The following ZNF708 variants were observed in gnomAD, a reference collection of about 807,000 sequenced individuals.
The protein encoded by ZNF708 is ZNF15, ZNF15L1.
A neutral mutation model predicts 47.0 loss-of-function variants in ZNF708; 44 were observed. That is an observed-to-expected ratio of 0.94 (90% CI 0.74 to 1.20). The LOEUF is 1.20. Ranked by LOEUF, ZNF708 falls within the 50% of genes most tolerant of loss-of-function variation. The pLI, the probability that ZNF708 is intolerant of heterozygous loss-of-function variation, is 0.00. For synonymous variants in ZNF708, 184 were observed against 218.5 expected (o/e 0.84, Z 1.39); for missense variants, 557 against 656.0 (o/e 0.85, Z 1.65).
chr19:21,315,245 A>T (rs751694422), intron 1 of ZNF708, among the ~76,000 whole-genome samples: 1 of 152,212 alleles, frequency 6.6e-6, no homozygotes, highest in Non-Finnish European at 1.5e-5. Context: ...TGAAAAGCTC[A>T]AAGAGCCACA....
chr19:21,306,025 C>T (rs776505586), intron 3 of ZNF708, among the ~76,000 whole-genome samples: 11 of 152,090 alleles, frequency 7.2e-5, no homozygotes, highest in South Asian at 2.1e-4. Flanking sequence ...AACTGGAAAG[C>T]GACACTGATG....
At chr19:21,298,599 AG>A (rs1399146491) in intron 3 of ZNF708, among the ~76,000 whole-genome samples, 1 of 142,792 alleles carries the variant, frequency 7.0e-6, no homozygotes, top group Non-Finnish European at 1.6e-5. Context: ...CTTCAAAAAA[AG>A]GAACAATGTT....
At chr19:21,320,907 C>T (rs571263910) in intron 1 of ZNF708, among the ~76,000 whole-genome samples, 4 of 151,394 alleles carry the variant, frequency 2.6e-5, no homozygotes, top group Non-Finnish European at 5.9e-5. Flanking sequence ...TTTGGGAGGC[C>T]GAGGCGGGTG....
At position 21,329,208 on chromosome 19, in the gene ZNF708, A is replaced by G. The variant is rs765125733; in HGVS notation, c.3+2T>C. On this transcript the variant is annotated splice_donor_variant, in intron 1 of 3. Coordinates refer to ENST00000356929, the MANE Select transcript of ZNF708 (RefSeq NM_021269.3). LOFTEE classifies it high-confidence loss of function. Reference sequence around the variant, plus strand: ...TCTCGGGATGTCGGACGGCACTCTCACCATTTCTAGGCTTCCAGAGGGTCC... The same window carrying G: ...TCTCGGGATGTCGGACGGCACTCTCGCCATTTCTAGGCTTCCAGAGGGTCC... 9.9e-6 allele frequency: 16 copies of G among 1,611,924 alleles called. No homozygotes were observed. The highest frequency in any genetic ancestry group is 1.4e-5 in the Non-Finnish European group (16 of 1,178,582).
rs1347401461 is a variant in ZNF708, at chr19:21,293,902, T to C, written c.1064A>G (p.Lys355Arg). 6.2e-7 allele frequency: 1 copy of C among 1,613,450 alleles called. No homozygotes were observed. ...FSVFSTLTKH[K>R]IIHTEEKPYK... ...GGGTTTCTCTTCAGTATGAATTATC[T>C]TATGTTTAGTAAGGGTTGAAAATAC... Residue 355 changes from lysine (K) to arginine (R), a missense_variant, in exon 4 of 4, where the codon AAG becomes AGG. Physicochemically the swap from Lys to Arg is conservative, Grantham distance 26 (BLOSUM62 2). Coordinates refer to ENST00000356929, the MANE Select transcript of ZNF708 (RefSeq NM_021269.3).
At chr19:21,296,717 C>T (rs1389394455) in intron 3 of ZNF708, among the ~76,000 whole-genome samples, 1 of 151,992 alleles carries the variant, frequency 6.6e-6, no homozygotes, top group Non-Finnish European at 1.5e-5. Context: ...TATTTACATA[C>T]ACAAAAACAG....
Position 21,293,148 on chromosome 19 carries a change from T to C in ZNF708, c.*126A>G. The stretch of plus-strand genomic sequence containing the variant: ...TTTCTCTCTAGTATGAATTATCTTT[T>C]GTTTCATAAGGATTAAGAGCCAGTT... On this transcript the variant is annotated 3_prime_UTR_variant, in exon 4 of 4. Coordinates refer to ENST00000356929, the MANE Select transcript of ZNF708 (RefSeq NM_021269.3). The C allele has an allele frequency of 1.7e-6, 2 of 1,178,656 alleles. No individual in the cohort carries two copies. Among genetic ancestry groups the C allele is most frequent in the Non-Finnish European group, 2.4e-6 (2 of 819,408 alleles). 73.0% of individuals were successfully genotyped at this position (1,178,656 alleles called of 1,614,324 possible).
chr19:21,297,048 G>T (rs530104220), intron 3 of ZNF708, among the ~76,000 whole-genome samples: 1 of 151,150 alleles, frequency 6.6e-6, no homozygotes, highest in East Asian at 1.9e-4. Flanking sequence ...CAGGAGAATC[G>T]CTTTAACCTG....
chr19:21,303,569 T>C (rs1288999239), intron 3 of ZNF708, among the ~76,000 whole-genome samples: 1 of 150,446 alleles, frequency 6.6e-6, no homozygotes, highest in Non-Finnish European at 1.5e-5. Context: ...GAAAAAAAAT[T>C]AAAATAAATG....
rs1288517590 is a variant in ZNF708, at chr19:21,322,959, A to C, written c.3+6251T>G. 2.6e-5 allele frequency among the ~76,000 whole-genome samples: 4 copies of C among 152,136 alleles called. No individual in the cohort carries two copies. The East Asian group carries it at 7.7e-4, about 29-fold the overall frequency. The stretch of plus-strand genomic sequence containing the variant: ...TACTGTTTAAAAATTGAGGACTCCC[A>C]TAACCTTTTTCAAGTTCAATAATTT... On this transcript the variant is annotated intron_variant, in intron 1 of 3. Transcript: ENST00000356929.
chr19:21,327,952 C>G, intron 1 of ZNF708: 1 of 1,028,998 alleles, frequency 9.7e-7, no homozygotes, highest in Non-Finnish European at 1.2e-6. Context: ...AGAAGCTACA[C>G]TCCATACCTC....
chr19:21,294,593 G>A lies in ZNF708; in HGVS notation c.373C>T (p.His125Tyr). The A allele has an allele frequency of 1.2e-6, 2 of 1,614,108 alleles. No individual in the cohort carries two copies. The highest frequency in any genetic ancestry group is 1.7e-5 in the Admixed American group (1 of 60,012). The part of the protein sequence containing the change: ...VDEHKLHKGG[H>Y]KGLNRCVTTT... Reference sequence around the variant, plus strand: ...GTCACACACCGGTTAAGTCCCTTGTGACCTCCTTTGTGCAACTTATGCTCA... The same window carrying A: ...GTCACACACCGGTTAAGTCCCTTGTAACCTCCTTTGTGCAACTTATGCTCA... The change falls in exon 4 of 4, where the codon CAC becomes TAC. Residue 125 changes from histidine to tyrosine, a missense_variant. Transcript: ENST00000356929.
At chr19:21,302,727 C>T (rs1972685079) in intron 3 of ZNF708, among the ~76,000 whole-genome samples, 2 of 151,684 alleles carry the variant, frequency 1.3e-5, no homozygotes, top group African/African-American at 2.4e-5. Context: ...ATATTATTTT[C>T]ATATTAAAAT....
At chr19:21,312,752 T>C (rs1236516151) in intron 1 of ZNF708, among the ~76,000 whole-genome samples, 1 of 140,476 alleles carries the variant, frequency 7.1e-6, no homozygotes, top group African/African-American at 2.7e-5. Context: ...CCCGGGCTCA[T>C]TATTAGCAGT....
chr19:21,324,471 G>T (rs896826242), intron 1 of ZNF708, among the ~76,000 whole-genome samples: 1 of 152,096 alleles, frequency 6.6e-6, no homozygotes, highest in Admixed American at 6.5e-5. Flanking sequence ...AGAGACTGAG[G>T]CAGGAGAATA....
chr19:21,317,418 T>C (rs2992087), intron 1 of ZNF708, among the ~76,000 whole-genome samples: 13 of 152,310 alleles, frequency 8.5e-5, no homozygotes, highest in African/African-American at 2.6e-4. Flanking sequence ...CAATTCTTCC[T>C]GCATATTTAG....
intron 3 of ZNF708, among the ~76,000 whole-genome samples, chr19:21,297,262 A>G (rs1972548810): frequency 7.1e-5 from 1 of 14,142 alleles, no homozygotes; most frequent in Non-Finnish European, 1.6e-4. Context: ...ATATATATAT[A>G]TATATATATT....
intron 1 of ZNF708, chr19:21,318,130 C>T (rs191180159): frequency 6.6e-6 from 1 of 152,362 alleles, no homozygotes; most frequent in African/African-American, 2.4e-5. Flanking sequence ...GCCACAGCAG[C>T]ACTCCAGTAC....
At chr19:21,311,993 A>C (rs1282827939) in intron 1 of ZNF708, among the ~76,000 whole-genome samples, 1 of 152,112 alleles carries the variant, frequency 6.6e-6, no homozygotes, top group Non-Finnish European at 1.5e-5. Flanking sequence ...CACATGAGGC[A>C]CTTAATTAAA....
Sources: allele counts gnomAD v4.1 joint callset (sites outside exome capture counted in the v4.1 genomes callset), GRCh38; gene constraint gnomAD v4.1.1; transcripts MANE v1.5; gene names NCBI Gene and HGNC (gene_info 2026-07-23, HGNC 2026-07-21).